MAP3K13: variants seen among roughly 807,000 people sequenced by gnomAD.
MAP3K13 encodes the protein leucine zipper-bearing kinase.
In MAP3K13, 52 loss-of-function variants were observed where a neutral mutation model predicts 104.0. That is an observed-to-expected ratio of 0.50 (90% CI 0.40 to 0.63). MAP3K13 has a LOEUF of 0.63. Ranked by LOEUF, MAP3K13 falls within the 20% of genes least tolerant of loss-of-function variation. The pLI is 0.00. For synonymous variants in MAP3K13, 394 were observed against 442.2 expected (o/e 0.89, Z 1.37); for missense variants, 914 against 1,218.5 (o/e 0.75, Z 3.72).
Position 185,473,087 on chromosome 3 carries a change from AGCAAACCAC to A in MAP3K13, c.1759_1767del (p.Lys587_Arg589del). On this transcript the variant is annotated inframe_deletion, in exon 11 of 14. Coordinates refer to ENST00000265026, the MANE Select transcript of MAP3K13 (RefSeq NM_004721.5). The surrounding 1 kb of genome is among the most constrained non-coding windows in gnomAD (Gnocchi z 4.9). The stretch of plus-strand genomic sequence containing the variant: ...TTCTAGCAGCAAGAGCCGATATCGA[AGCAAACCAC>A]GCCACCGCCGAGGGAATAGCAGAGG... 1 of 1,614,150 alleles carries A rather than the reference AGCAAACCAC, an allele frequency of 6.2e-7. No individual in the cohort carries two copies. The highest frequency in any genetic ancestry group is 1.1e-5 in the South Asian group (1 of 91,084).
chr3:185,425,704 G>T (rs1714371062), intron 1 of MAP3K13, among the ~76,000 whole-genome samples: 1 of 152,110 alleles, frequency 6.6e-6, no homozygotes, highest in South Asian at 2.1e-4. Flanking sequence ...TCTAGCCTTT[G>T]CCTACTTTTT....
rs1024302940 is a variant in MAP3K13 at position 185,423,927 on chromosome 3, C to T, written c.-85-4570C>T. Among the ~76,000 whole-genome samples the T allele has an allele frequency of 7.2e-5, 11 of 152,190 alleles. No homozygotes were observed. The highest frequency in any genetic ancestry group is 1.2e-4 in the African/African-American group (5 of 41,436). On this transcript the variant is annotated intron_variant, in intron 1 of 13. Transcript: ENST00000265026. This position sits in a 1 kb window ranked among gnomAD's most constrained non-coding sequence, Gnocchi z 4.1. Reference sequence around the variant, plus strand: ...CCCTGATTTCCTTCCGTCTGTCACACGCCTTACCTTTAAAGGTCCATCTCA... The same window carrying T: ...CCCTGATTTCCTTCCGTCTGTCACATGCCTTACCTTTAAAGGTCCATCTCA...
intron 1 of MAP3K13, among the ~76,000 whole-genome samples, chr3:185,403,635 A>G (rs963747913): frequency 3.3e-5 from 5 of 152,188 alleles, no homozygotes; most frequent in African/African-American, 1.2e-4. Context: ...TTTACTGTAA[A>G]TATAATTTTT....
chr3:185,481,354 T>C (rs1718441455), intron 13 of MAP3K13: 1 of 152,384 alleles, frequency 6.6e-6, no homozygotes. Flanking sequence ...CTGAGTTTGA[T>C]GGTACATGCC....
chr3:185,465,642 T>G, intron 8 of MAP3K13, 105 bp from the exon 9 acceptor site: 1 of 777,162 alleles, frequency 1.3e-6, no homozygotes, highest in African/African-American at 1.7e-5. Context: ...AAGAGGGCCT[T>G]GGGCAAATGC....
intron 1 of MAP3K13, among the ~76,000 whole-genome samples, chr3:185,380,509 CAAAAAAAAA>C (rs564011110): frequency 4.7e-5 from 4 of 85,644 alleles, no homozygotes; most frequent in Admixed American, 2.5e-4. Flanking sequence ...GACTCCATCT[CAAAAAAAAA>C]AAAAAAAAAA....
chr3:185,476,341 C>A (rs1718123344), intron 11 of MAP3K13, among the ~76,000 whole-genome samples: 1 of 133,172 alleles, frequency 7.5e-6, no homozygotes, highest in African/African-American at 2.9e-5. Context: ...AACTTCATCT[C>A]TGTCTTTCCT....
At chr3:185,435,525 G>T (rs1207186422) in intron 2 of MAP3K13, among the ~76,000 whole-genome samples, 1 of 152,072 alleles carries the variant, frequency 6.6e-6, no homozygotes, top group East Asian at 1.9e-4. Context: ...AATCTCACTT[G>T]GTATCATGTG....
upstream of MAP3K13, among the ~76,000 whole-genome samples, chr3:185,361,296 T>C (rs887601189): frequency 6.6e-6 from 1 of 151,894 alleles, no homozygotes; most frequent in Non-Finnish European, 1.5e-5. Context: ...AAGAAAAAAA[T>C]GTTTTCCATA....
At chr3:185,442,351 T>G (rs1046433808) in intron 3 of MAP3K13, among the ~76,000 whole-genome samples, 1 of 151,986 alleles carries the variant, frequency 6.6e-6, no homozygotes, top group Admixed American at 6.5e-5. Flanking sequence ...TTTCAAAGAT[T>G]ATGTAAGATG....
At chr3:185,408,590 G>A (rs1053730036) in intron 1 of MAP3K13, among the ~76,000 whole-genome samples, 4 of 151,352 alleles carry the variant, frequency 2.6e-5, no homozygotes, top group Non-Finnish European at 4.4e-5. Context: ...AAAAGAAGCC[G>A]ATTAGTTTGA....
At chr3:185,286,577 A>G (rs1720523179) in intron 2 of MAP3K13, among the ~76,000 whole-genome samples, 1 of 152,192 alleles carries the variant, frequency 6.6e-6, no homozygotes, top group South Asian at 2.1e-4. Context: ...ATACAGAGTA[A>G]TACTTTGCAG....
At chr3:185,440,854 C>G (rs1203855758) in intron 3 of MAP3K13, among the ~76,000 whole-genome samples, 1 of 152,142 alleles carries the variant, frequency 6.6e-6, no homozygotes, top group Non-Finnish European at 1.5e-5. Context: ...TAGAAAGTTT[C>G]AAAGGAAGGC....
At chr3:185,453,540 G>T (rs1304426296) in intron 7 of MAP3K13, among the ~76,000 whole-genome samples, 2 of 151,874 alleles carry the variant, frequency 1.3e-5, no homozygotes, top group African/African-American at 2.4e-5. Flanking sequence ...GGAGGCCGAG[G>T]CGGGCAGATC....
chr3:185,378,956 TGAA>T (rs1447609518), intron 1 of MAP3K13, among the ~76,000 whole-genome samples: 3 of 152,092 alleles, frequency 2.0e-5, no homozygotes, highest in Admixed American at 6.5e-5. Context: ...AGGCAAGAGT[TGAA>T]GAGGTTTTAA....
chr3:185,317,346 A>G (rs953767378), intron 2 of MAP3K13, among the ~76,000 whole-genome samples: 10 of 152,156 alleles, frequency 6.6e-5, no homozygotes, highest in African/African-American at 2.2e-4. Flanking sequence ...CCTGTTGCCT[A>G]TGACTGGAAT....
intron 1 of MAP3K13, among the ~76,000 whole-genome samples, chr3:185,383,067 T>A: frequency 1.4e-5 from 2 of 140,730 alleles, no homozygotes; most frequent in African/African-American, 5.3e-5. Context: ...TGTGTCCATG[T>A]GTTCTCATTG....
At chr3:185,292,066 A>T in intron 2 of MAP3K13, 1 of 896,490 alleles carries the variant, frequency 1.1e-6, no homozygotes, top group Non-Finnish European at 1.3e-6. Context: ...GCACTTTGGG[A>T]GGCCAAGGCA....
rs1713917493 is a variant in MAP3K13 at position 185,418,354 on chromosome 3, T to C, written c.-85-10143T>C. ...AAGTTCAGGAACTTCCTCAATACGATGACCTTTAGACATGACCAGTGCTGG... is the reference window on the plus strand; with the variant it reads ...AAGTTCAGGAACTTCCTCAATACGACGACCTTTAGACATGACCAGTGCTGG... On this transcript the variant is annotated intron_variant, in intron 1 of 13. Transcript: ENST00000265026. The surrounding 1 kb of genome is among the most constrained non-coding windows in gnomAD (Gnocchi z 4.5). 6.3e-7 allele frequency: 1 copy of C among 1,595,542 alleles called. No homozygotes were observed. Among genetic ancestry groups the C allele is most frequent in the Non-Finnish European group, 8.6e-7 (1 of 1,164,972 alleles).
Sources: gnomAD v4.1 joint callset for allele counts (sites outside exome capture counted in the v4.1 genomes callset) on GRCh38, gnomAD v4.1.1 for gene constraint, Gnocchi (gnomAD v3.1) non-coding constraint, MANE v1.5 for transcripts, NCBI Gene and HGNC (gene_info 2026-07-23, HGNC 2026-07-21) for gene names.